Variants in SOS2 observed in about 807,000 individuals in gnomAD.
The protein encoded by SOS2 is SOS Ras/Rho guanine nucleotide exchange factor 2.
Under a neutral mutation model 148.2 loss-of-function variants are expected in SOS2, and 65 were observed. The ratio of observed to expected loss-of-function variants is 0.44; its 90% CI spans 0.36 to 0.54. The LOEUF (loss-of-function observed/expected upper bound fraction) is 0.54. Ranked by LOEUF, SOS2 falls within the 20% of genes least tolerant of loss-of-function variation. The pLI, the probability that SOS2 is intolerant of heterozygous loss-of-function variation, is 0.00. For synonymous variants in SOS2, 539 were observed against 537.1 expected, an observed-to-expected ratio of 1.00 and a Z score of -0.05; for missense variants, 1,341 against 1,590.2, an observed-to-expected ratio of 0.84 and a Z score of 2.67.
chr14:50,131,604 A>G (rs1883869791), intron 19 of SOS2, among the ~76,000 whole-genome samples: 1 of 152,210 alleles, frequency 6.6e-6, no homozygotes, highest in African/African-American at 2.4e-5. Context: ...ACTAAGAAGG[A>G]TAACACATCG....
intron 8 of SOS2, among the ~76,000 whole-genome samples, chr14:50,162,816 T>C (rs1594983353): frequency 6.6e-6 from 1 of 152,184 alleles, no homozygotes; most frequent in Non-Finnish European, 1.5e-5. Flanking sequence ...AAATGTTCTC[T>C]TGTATTTCAC....
At chr14:50,195,053 A>G (rs565337054) in intron 4 of SOS2, among the ~76,000 whole-genome samples, 2 of 152,282 alleles carry the variant, frequency 1.3e-5, no homozygotes, top group African/African-American at 4.8e-5. Context: ...CAATAACAGT[A>G]TGAAGTTTTC....
chr14:50,152,841 T>C (rs966759586), intron 13 of SOS2, among the ~76,000 whole-genome samples: 1 of 152,098 alleles, frequency 6.6e-6, no homozygotes, highest in Non-Finnish European at 1.5e-5. Flanking sequence ...GTCATGTGCC[T>C]GTAGTCCCAG....
chr14:50,205,074 T>C (rs1470405435), intron 1 of SOS2, among the ~76,000 whole-genome samples: 1 of 152,088 alleles, frequency 6.6e-6, no homozygotes, highest in Admixed American at 6.6e-5. Flanking sequence ...TTTAAAAAAG[T>C]ATTGCTTTCC....
chr14:50,130,808 C>A, intron 19 of SOS2, 46 bp from the exon 20 acceptor site: 2 of 1,535,642 alleles, frequency 1.3e-6, no homozygotes, highest in African/African-American at 1.4e-5. Flanking sequence ...GCATAGACAA[C>A]AATTTGTTTC....
At chr14:50,160,310 T>C (rs1254852980) in intron 9 of SOS2, among the ~76,000 whole-genome samples, 47 of 148,524 alleles carry the variant, frequency 3.2e-4, no homozygotes, top group Non-Finnish European at 6.0e-5. Flanking sequence ...CAAAAAATCC[T>C]AAATTTCTTT....
intron 1 of SOS2, among the ~76,000 whole-genome samples, chr14:50,213,769 G>C (rs927504140): frequency 6.6e-6 from 1 of 151,822 alleles, no homozygotes. Flanking sequence ...ACTTTGAAGT[G>C]GGGGAAGAGA....
At chr14:50,215,463 G>C in intron 1 of SOS2, 1 of 1,246,718 alleles carries the variant, frequency 8.0e-7, no homozygotes, top group Non-Finnish European at 1.0e-6. Flanking sequence ...AAATTACCAC[G>C]ACAGAACCAA....
At chr14:50,143,540 C>T (rs542160240) in intron 16 of SOS2, among the ~76,000 whole-genome samples, 4 of 151,966 alleles carry the variant, frequency 2.6e-5, no homozygotes, top group Admixed American at 2.0e-4. Flanking sequence ...CAGGTTCAAG[C>T]GATACCCCTG....
intron 18 of SOS2, among the ~76,000 whole-genome samples, chr14:50,138,347 G>C (rs898886658): frequency 4.6e-5 from 7 of 151,780 alleles, no homozygotes; most frequent in Non-Finnish European, 8.8e-5. Flanking sequence ...TTTTAGTAGA[G>C]ACGGGGTTTC....
At chr14:50,137,657 T>C (rs1282944938) in intron 18 of SOS2, among the ~76,000 whole-genome samples, 1 of 152,106 alleles carries the variant, frequency 6.6e-6, no homozygotes, top group East Asian at 1.9e-4. Flanking sequence ...AATTTTTTTT[T>C]AATTTTTAAA....
chr14:50,147,713 T>G (rs987166145), intron 14 of SOS2, among the ~76,000 whole-genome samples: 2 of 152,242 alleles, frequency 1.3e-5, no homozygotes, highest in Non-Finnish European at 2.9e-5. Context: ...AATGTTTTTG[T>G]TGTTCATGAA....
intron 8 of SOS2, among the ~76,000 whole-genome samples, chr14:50,167,867 CAAA>C (rs994488707): frequency 8.6e-6 from 1 of 116,026 alleles, no homozygotes. Flanking sequence ...GACTCTGTCT[CAAA>C]AAAAAAAAAG....
Position 50,200,942 on chromosome 14 carries a change from T to A in SOS2, c.345+11A>T. 1.2e-6 allele frequency: 2 copies of A among 1,613,080 alleles called. No individual in the cohort carries two copies. The stretch of plus-strand genomic sequence containing the variant: ...AGAACACCCCCCAACTAATGTTTAA[T>A]CTTTTGTTACCTTCAACGAAGGATG... On this transcript the variant is annotated intron_variant, in intron 3 of 22. Coordinates refer to ENST00000216373, the MANE Select transcript of SOS2 (RefSeq NM_006939.4).
rs781439593 is a variant in SOS2 at position 50,138,756 on chromosome 14, G to A, written c.2814C>T (p.Thr938=). Residue 938 remains threonine (T), a synonymous_variant, in exon 18 of 23, where the codon ACC becomes ACT. Transcript: ENST00000216373. The part of the protein sequence containing the change: ...FGIYLTNILK[T]EEGNNDFLKK... ...TTAAAAAATCATTATTCCCTTCTTC[G>A]GTCTTCAGAATATTTGTTAAATATA... The A allele has an allele frequency of 1.9e-5, 20 of 1,039,802 alleles. No homozygotes were observed. The highest frequency in any genetic ancestry group is 7.7e-5 in the South Asian group (5 of 65,108). The allele number at this position is 1,039,802 out of a possible 1,614,324, so 64.4% of individuals were successfully genotyped here.
chr14:50,181,510 C>T (rs1180975615), intron 6 of SOS2, among the ~76,000 whole-genome samples: 1 of 141,298 alleles, frequency 7.1e-6, no homozygotes, highest in African/African-American at 2.6e-5. Context: ...GTGTTGTTTA[C>T]AATAACAAAA....
chr14:50,130,132 T>A (rs2139510822), intron 20 of SOS2, 130 bp from the exon 21 acceptor site: 3 of 626,128 alleles, frequency 4.8e-6, no homozygotes, highest in Non-Finnish European at 5.5e-6. Flanking sequence ...GTTAGTTTTT[T>A]AAAAAATTAA....
At chr14:50,181,219 C>T (rs893359959) in intron 6 of SOS2, among the ~76,000 whole-genome samples, 3 of 152,118 alleles carry the variant, frequency 2.0e-5, no homozygotes, top group South Asian at 4.2e-4. Context: ...GAGGCCGAGG[C>T]GGACGGATCA....
intron 18 of SOS2, among the ~76,000 whole-genome samples, chr14:50,137,209 C>T (rs1005508774): frequency 3.9e-5 from 6 of 152,086 alleles, no homozygotes; most frequent in Non-Finnish European, 8.8e-5. Context: ...TTTTATAGTA[C>T]TATAGTATCA....
Sources: allele counts gnomAD v4.1 joint callset (sites outside exome capture counted in the v4.1 genomes callset), GRCh38; gene constraint gnomAD v4.1.1; transcripts MANE v1.5; gene names NCBI Gene and HGNC (gene_info 2026-07-23, HGNC 2026-07-21).